SORCS1: variants seen among roughly 807,000 people sequenced by gnomAD.
SORCS1 encodes VPS10 domain-containing receptor SorCS1.
A neutral mutation model predicts 146.1 loss-of-function variants in SORCS1; 60 were observed. The observed-to-expected ratio is 0.41, with a 90% confidence interval of 0.33 to 0.51. SORCS1 has a LOEUF of 0.51. SORCS1 is among the 20% of genes least tolerant of loss of function. SORCS1 has a pLI of 0.21. For synonymous variants in SORCS1, 637 were observed against 584.0 expected, an observed-to-expected ratio of 1.09 and a Z score of -1.31; for missense variants, 1,352 against 1,487.6, an observed-to-expected ratio of 0.91 and a Z score of 1.50.
intron 1 of SORCS1, among the ~76,000 whole-genome samples, chr10:106,972,916 A>G (rs1955851217): frequency 1.3e-5 from 2 of 152,134 alleles, no homozygotes; most frequent in Non-Finnish European, 2.9e-5. Flanking sequence ...CTTGGGTAGT[A>G]TGTATTTAAT....
At chr10:107,096,738 C>T (rs992935405) in intron 1 of SORCS1, among the ~76,000 whole-genome samples, 3 of 152,124 alleles carry the variant, frequency 2.0e-5, no homozygotes, top group Non-Finnish European at 4.4e-5. Flanking sequence ...TCTCGAACTC[C>T]TGACCTCAGG....
intron 23 of SORCS1, among the ~76,000 whole-genome samples, chr10:106,601,457 T>G (rs1392004457): frequency 6.6e-6 from 1 of 152,190 alleles, no homozygotes; most frequent in African/African-American, 2.4e-5. Flanking sequence ...AACCTACATT[T>G]CATTTAAAGT....
intron 5 of SORCS1, among the ~76,000 whole-genome samples, chr10:106,741,281 AT>A (rs1236098389): frequency 8.5e-6 from 1 of 118,244 alleles, no homozygotes; most frequent in Non-Finnish European, 1.5e-5. Context: ...AACTAGGAAG[AT>A]AATGTGTGTC....
At chr10:106,992,233 C>T (rs1956798123) in intron 1 of SORCS1, among the ~76,000 whole-genome samples, 1 of 152,076 alleles carries the variant, frequency 6.6e-6, no homozygotes, top group Non-Finnish European at 1.5e-5. Flanking sequence ...CCCTGACTTC[C>T]GTATATTCGT....
chr10:106,989,680 G>GTTTTGTTTTTTTTTTT (rs1956675109), intron 1 of SORCS1, among the ~76,000 whole-genome samples: 1 of 70,360 alleles, frequency 1.4e-5, no homozygotes, highest in African/African-American at 5.4e-5. Flanking sequence ...GTTTTTTTTT[G>GTTTTGTTTTTTTTTTT]TTTTTTTTTT....
intron 2 of SORCS1, among the ~76,000 whole-genome samples, chr10:106,851,438 T>C (rs2137284719): frequency 6.6e-6 from 1 of 152,370 alleles, no homozygotes; most frequent in South Asian, 2.1e-4. Context: ...TGTCCAGTTG[T>C]TTCAGCACCA....
chr10:107,000,940 T>G (rs1237622647), intron 1 of SORCS1, among the ~76,000 whole-genome samples: 1 of 152,022 alleles, frequency 6.6e-6, no homozygotes, highest in African/African-American at 2.4e-5. Context: ...GCAAAAATAG[T>G]GGGAGATTTA....
chr10:107,166,217 A>G (rs1276944739), upstream of SORCS1, among the ~76,000 whole-genome samples: 2 of 152,214 alleles, frequency 1.3e-5, no homozygotes, highest in African/African-American at 2.4e-5. Flanking sequence ...TACTAGAATA[A>G]TAACCTCACT....
At chr10:107,079,309 C>G (rs564431240) in intron 1 of SORCS1, among the ~76,000 whole-genome samples, 33 of 152,118 alleles carry the variant, frequency 2.2e-4, no homozygotes, top group Non-Finnish European at 2.6e-4. Flanking sequence ...GGATTTTTAC[C>G]ATTCTTTGGA....
At chr10:106,935,018 A>G (rs1176598042) in intron 2 of SORCS1, among the ~76,000 whole-genome samples, 2 of 152,130 alleles carry the variant, frequency 1.3e-5, no homozygotes, top group Non-Finnish European at 2.9e-5. Flanking sequence ...ATCACTATAC[A>G]ATTCATCCAT....
chr10:106,794,506 T>C lies in SORCS1; in HGVS notation c.727-17814A>G, dbSNP rs372101250. ...CATTGTTTCCTTTTCTTTTTCTTTT[T>C]TTTTTTTTTTTTTTGAGACAGAGTC... is the stretch of plus-strand genomic sequence containing the variant. On this transcript the variant is annotated intron_variant, in intron 3 of 25. Transcript: ENST00000263054. Among the ~76,000 whole-genome samples, 1,353 of 147,422 alleles carry C rather than the reference T, an allele frequency of 9.2e-3. 12 individuals carry two copies. Among genetic ancestry groups the C allele is most frequent in the Middle Eastern group, 0.021 (6 of 288 alleles).
chr10:106,945,290 TAAAG>T (rs200221151), intron 2 of SORCS1, among the ~76,000 whole-genome samples: 2,952 of 152,312 alleles, frequency 0.019, 43 homozygotes, highest in Non-Finnish European at 0.03. Flanking sequence ...GCTGAAAGAA[TAAAG>T]AGACTTTGTG....
chr10:107,177,840 T>C, the SORCS1 span, among the ~76,000 whole-genome samples: 1 of 152,212 alleles, frequency 6.6e-6, no homozygotes, highest in Admixed American at 6.5e-5. Flanking sequence ...AAGAAAATCA[T>C]TTCTTTGCAG....
chr10:106,829,277 T>C (rs1030569177), intron 3 of SORCS1, among the ~76,000 whole-genome samples: 18 of 152,236 alleles, frequency 1.2e-4, no homozygotes, highest in Non-Finnish European at 2.5e-4. Flanking sequence ...CTCTTCTGAT[T>C]GACTGGTCAG....
At chr10:107,156,441 A>G (rs1404528941) in intron 1 of SORCS1, among the ~76,000 whole-genome samples, 3 of 152,228 alleles carry the variant, frequency 2.0e-5, no homozygotes, top group South Asian at 2.1e-4. Flanking sequence ...GTTCCAGATC[A>G]TATTTCCAGA....
At position 107,086,156 on chromosome 10, in the gene SORCS1, A is replaced by C. The variant is rs537232002; in HGVS notation, c.558+77813T>G. The stretch of plus-strand genomic sequence containing the variant: ...ACAGGGCTCATTGCTTTCCAGAGAC[A>C]TGGAATCATTTAATAGTTTCACAAT... On this transcript the variant is annotated intron_variant, in intron 1 of 25. Coordinates refer to ENST00000263054, the MANE Select transcript of SORCS1 (RefSeq NM_052918.5). Among the ~76,000 whole-genome samples, 94 of 152,352 alleles carry C rather than the reference A, an allele frequency of 6.2e-4. 2 individuals carry two copies. Among genetic ancestry groups the C allele is most frequent in the Non-Finnish European group, 1.2e-3 (80 of 68,044 alleles).
intron 1 of SORCS1, among the ~76,000 whole-genome samples, chr10:107,028,120 T>C (rs1958488322): frequency 6.6e-6 from 1 of 152,228 alleles, no homozygotes; most frequent in African/African-American, 2.4e-5. Flanking sequence ...CAGTTCTTAA[T>C]AGGAAGGAGG....
intron 2 of SORCS1, among the ~76,000 whole-genome samples, chr10:106,909,901 G>A (rs985011178): frequency 6.6e-6 from 1 of 152,138 alleles, no homozygotes; most frequent in African/African-American, 2.4e-5. Flanking sequence ...GATATGGGGG[G>A]AATGGTTAAG....
At chr10:106,797,709 A>G (rs1485091150) in intron 3 of SORCS1, among the ~76,000 whole-genome samples, 1 of 152,200 alleles carries the variant, frequency 6.6e-6, no homozygotes, top group East Asian at 1.9e-4. Context: ...CAGCCCCAGC[A>G]GATGGCCAAT....
Sources: gnomAD v4.1 joint callset for allele counts (sites outside exome capture counted in the v4.1 genomes callset) on GRCh38, gnomAD v4.1.1 for gene constraint, MANE v1.5 for transcripts, NCBI Gene and HGNC (gene_info 2026-07-23, HGNC 2026-07-21) for gene names.